SIPA1L1: variants seen among roughly 807,000 people sequenced by gnomAD.
SIPA1L1 encodes the protein signal-induced proliferation-associated 1-like protein 1.
SIPA1L1 carries 26 observed loss-of-function variants against 162.7 expected under a neutral mutation model. The ratio of observed to expected loss-of-function variants is 0.16; its 90% CI spans 0.12 to 0.22. SIPA1L1 has a LOEUF of 0.22. SIPA1L1 is among the 10% of genes least tolerant of loss of function. The pLI is 1.00. For missense variants in SIPA1L1, 1,874 were observed against 2,241.0 expected (o/e 0.84, Z 3.31); for synonymous variants, 829 against 837.4 (o/e 0.99, Z 0.17).
chr14:71,414,385 A>AAAAAAC (rs750579976), intron 2 of SIPA1L1, among the ~76,000 whole-genome samples: 299 of 152,342 alleles, frequency 2.0e-3, no homozygotes, highest in Non-Finnish European at 2.5e-3. Flanking sequence ...TCTCAGGGAA[A>AAAAAAC]AAAAACAAAA....
intron 21 of SIPA1L1, 152 bp from the exon 22 acceptor site, chr14:71,735,125 T>C: frequency 1.6e-6 from 1 of 636,724 alleles, no homozygotes; most frequent in Non-Finnish European, 2.8e-6. Flanking sequence ...ACAGTCATAT[T>C]TTTCCCTGTG....
intron 3 of SIPA1L1, among the ~76,000 whole-genome samples, chr14:71,520,348 A>G (rs11158907): frequency 0.12 from 18,743 of 152,170 alleles, 1,570 homozygotes; most frequent in East Asian, 0.41. Context: ...TGCCATGAGA[A>G]CACAGTATTC....
At chr14:71,418,675 T>A (rs1201329167) in intron 2 of SIPA1L1, among the ~76,000 whole-genome samples, 1 of 152,190 alleles carries the variant, frequency 6.6e-6, no homozygotes. Context: ...GGGATTTTAT[T>A]TTAAAACCTG....
At chr14:71,589,831 A>T (rs2035037576) in intron 5 of SIPA1L1, among the ~76,000 whole-genome samples, 1 of 151,900 alleles carries the variant, frequency 6.6e-6, no homozygotes, top group Admixed American at 6.6e-5. Flanking sequence ...GGTGGTAATT[A>T]TAATATATTC....
chr14:71,604,816 T>G (rs1381706488), intron 5 of SIPA1L1, among the ~76,000 whole-genome samples: 1 of 152,188 alleles, frequency 6.6e-6, no homozygotes, highest in African/African-American at 2.4e-5. Context: ...TCTCTTGCTA[T>G]TTTTGTCTTT....
chr14:71,603,631 A>G (rs561178218), intron 5 of SIPA1L1, among the ~76,000 whole-genome samples: 8 of 152,144 alleles, frequency 5.3e-5, no homozygotes, highest in Admixed American at 5.2e-4. Flanking sequence ...TACTAATTAA[A>G]AAGAAATATA....
rs573648530 is a variant in SIPA1L1, at chr14:71,634,207, A to C, written c.1818+9971A>C. Among the ~76,000 whole-genome samples, 3 of 151,890 alleles carry C rather than the reference A, an allele frequency of 2.0e-5. No homozygotes were observed. In the East Asian group the frequency reaches 5.9e-4, roughly 30 times the overall value. On this transcript the variant is annotated intron_variant, in intron 7 of 23. Coordinates refer to ENST00000381232, the MANE Select transcript of SIPA1L1 (RefSeq NM_001386936.1). ...CCTGAGGTTGGGAGTTTGAGACCAG[A>C]CTGCCCAACATGGCGAAACCCTGTG...
At chr14:71,546,103 G>C (rs551928652) in intron 4 of SIPA1L1, among the ~76,000 whole-genome samples, 18 of 152,120 alleles carry the variant, frequency 1.2e-4, no homozygotes, top group African/African-American at 4.3e-4. Flanking sequence ...AAGAGAGAGA[G>C]AAAAAGTCTC....
At chr14:71,467,124 A>G (rs1254014725) in intron 2 of SIPA1L1, 1 of 152,212 alleles carries the variant, frequency 6.6e-6, no homozygotes, top group Non-Finnish European at 1.5e-5. Flanking sequence ...TTCAGTGTCC[A>G]GATTTATGTC....
At chr14:71,602,013 A>C (rs1215681307) in intron 5 of SIPA1L1, among the ~76,000 whole-genome samples, 1 of 151,604 alleles carries the variant, frequency 6.6e-6, no homozygotes, top group Non-Finnish European at 1.5e-5. Flanking sequence ...AAAAAAAACA[A>C]CTTTTTATTT....
At chr14:71,705,432 C>T in intron 16 of SIPA1L1, 92 bp downstream of exon 16, 1 of 934,986 alleles carries the variant, frequency 1.1e-6, no homozygotes, top group South Asian at 1.4e-5. Flanking sequence ...CTCTGCATGG[C>T]CAAAGAGGAA....
At chr14:71,577,389 T>G (rs2033224767) in intron 4 of SIPA1L1, among the ~76,000 whole-genome samples, 1 of 151,980 alleles carries the variant, frequency 6.6e-6, no homozygotes, top group Non-Finnish European at 1.5e-5. Context: ...ATTTTTTTTT[T>G]TTTTTGGAGA....
chr14:71,383,281 A>G (rs1050427939), intron 2 of SIPA1L1, among the ~76,000 whole-genome samples: 1 of 152,302 alleles, frequency 6.6e-6, no homozygotes, highest in Admixed American at 6.5e-5. Flanking sequence ...CTTAACCCAC[A>G]CTGGTCCTGG....
intron 2 of SIPA1L1, among the ~76,000 whole-genome samples, chr14:71,326,172 G>C (rs764259409): frequency 5.3e-5 from 8 of 150,836 alleles, no homozygotes; most frequent in Non-Finnish European, 1.2e-4. Flanking sequence ...CTATGAACAG[G>C]TATAGTCATT....
At position 71,544,106 on chromosome 14, in the gene SIPA1L1, T is replaced by A. The variant is rs148459859; in HGVS notation, c.-303+14736T>A. Among the ~76,000 whole-genome samples the A allele has an allele frequency of 2.2e-3, 337 of 151,818 alleles. 2 individuals carry two copies. Among genetic ancestry groups the A allele is most frequent in the African/African-American group, 7.7e-3 (321 of 41,442 alleles). ...GTATGTATATACACACGCACATGTATGTATATACACATATATGCACGTGTA... is the reference window on the plus strand; with the variant it reads ...GTATGTATATACACACGCACATGTAAGTATATACACATATATGCACGTGTA... On this transcript the variant is annotated intron_variant, in intron 4 of 23. Transcript: ENST00000381232.
chr14:71,341,554 G>T (rs1490272464), intron 2 of SIPA1L1, among the ~76,000 whole-genome samples: 2 of 152,006 alleles, frequency 1.3e-5, no homozygotes, highest in Non-Finnish European at 2.9e-5. Context: ...TTGTTACGTG[G>T]GTATGTTGTG....
chr14:71,723,260 C>T (rs1429104101), intron 17 of SIPA1L1, among the ~76,000 whole-genome samples: 1 of 152,160 alleles, frequency 6.6e-6, no homozygotes, highest in African/African-American at 2.4e-5. Context: ...CACCACAATC[C>T]CTAGTTGTGA....
At chr14:71,726,367 C>G (rs1006627847) in intron 19 of SIPA1L1, among the ~76,000 whole-genome samples, 8 of 152,132 alleles carry the variant, frequency 5.3e-5, no homozygotes, top group Non-Finnish European at 5.9e-5. Context: ...TGTTCAAGTA[C>G]CAGTTCAAAA....
intron 5 of SIPA1L1, among the ~76,000 whole-genome samples, chr14:71,592,341 T>A (rs929194173): frequency 4.6e-5 from 7 of 152,222 alleles, no homozygotes; most frequent in Admixed American, 2.0e-4. Flanking sequence ...CTGTACATTT[T>A]AAAAATTGTT....
Sources: allele counts gnomAD v4.1 joint callset (sites outside exome capture counted in the v4.1 genomes callset), GRCh38; gene constraint gnomAD v4.1.1; transcripts MANE v1.5; gene names NCBI Gene and HGNC (gene_info 2026-07-23, HGNC 2026-07-21).